The following CTNNA3 variants were observed in gnomAD, a reference collection of about 807,000 sequenced individuals.
CTNNA3 encodes catenin alpha 3, also known as catenin alpha-3.
A neutral mutation model predicts 95.7 loss-of-function variants in CTNNA3; 76 were observed. That is an observed-to-expected ratio of 0.79 (90% CI 0.66 to 0.96). The LOEUF (loss-of-function observed/expected upper bound fraction) is 0.96, where lower values mean the gene tolerates loss of function less well. CTNNA3 is among the 40% of genes least tolerant of loss of function. CTNNA3 has a pLI of 0.00. For synonymous variants in CTNNA3, 431 were observed against 374.4 expected (o/e 1.15, Z -1.74); for missense variants, 1,191 against 1,089.8 (o/e 1.09, Z -1.31).
At chr10:67,415,743 A>G (rs1184493220) in intron 5 of CTNNA3, among the ~76,000 whole-genome samples, 1 of 152,204 alleles carries the variant, frequency 6.6e-6, no homozygotes, top group East Asian at 1.9e-4. Context: ...CCAACATGAA[A>G]CTGTACTACA....
At chr10:66,411,703 T>C (rs2132597552) in intron 11 of CTNNA3, among the ~76,000 whole-genome samples, 1 of 152,220 alleles carries the variant, frequency 6.6e-6, no homozygotes, top group East Asian at 1.9e-4. Flanking sequence ...CAGACAGTGA[T>C]AAATACTGTA....
At chr10:66,033,836 C>T (rs1440116003) in intron 15 of CTNNA3, among the ~76,000 whole-genome samples, 1 of 152,200 alleles carries the variant, frequency 6.6e-6, no homozygotes, top group African/African-American at 2.4e-5. Context: ...TTAGGAATCA[C>T]AGACTTATAT....
chr10:67,742,033 C>T (rs1841342906), intron 1 of CTNNA3, among the ~76,000 whole-genome samples: 1 of 151,120 alleles, frequency 6.6e-6, no homozygotes, highest in Non-Finnish European at 1.5e-5. Context: ...TACAAAGAGA[C>T]TTAGATTGCC....
chr10:67,298,140 T>G (rs1013267757), intron 5 of CTNNA3, among the ~76,000 whole-genome samples: 2 of 152,162 alleles, frequency 1.3e-5, no homozygotes, highest in African/African-American at 4.8e-5. Context: ...TCCAGGAGTT[T>G]TTCAAGGATA....
chr10:67,195,531 C>T (rs1012269910), intron 6 of CTNNA3, among the ~76,000 whole-genome samples: 6 of 151,542 alleles, frequency 4.0e-5, no homozygotes, highest in Non-Finnish European at 7.4e-5. Context: ...GTAGGCTCCA[C>T]CTCAGTGGTC....
intron 1 of CTNNA3, among the ~76,000 whole-genome samples, chr10:67,667,335 TAC>T (rs1840349722): frequency 6.6e-6 from 1 of 152,188 alleles, no homozygotes; most frequent in African/African-American, 2.4e-5. Context: ...ATAAAAATTT[TAC>T]TATCTAATTA....
At chr10:67,503,056 G>A (rs1455586444) in intron 5 of CTNNA3, among the ~76,000 whole-genome samples, 2 of 152,284 alleles carry the variant, frequency 1.3e-5, no homozygotes, top group East Asian at 1.9e-4. Context: ...CTGCCCAAAC[G>A]GCCTCCCAGT....
intron 10 of CTNNA3, among the ~76,000 whole-genome samples, chr10:66,595,986 T>G (rs918686260): frequency 6.6e-6 from 1 of 151,922 alleles, no homozygotes; most frequent in African/African-American, 2.4e-5. Context: ...ATTTTTCAAG[T>G]GCAGCAAGAT....
At chr10:66,925,815 G>C (rs753782641) in intron 7 of CTNNA3, 1 of 338,786 alleles carries the variant, frequency 3.0e-6, no homozygotes, top group Admixed American at 4.1e-5. Flanking sequence ...TAAAGACGTT[G>C]CCAAATTGTA....
intron 16 of CTNNA3, among the ~76,000 whole-genome samples, chr10:65,968,000 T>C (rs1210694299): frequency 6.6e-6 from 1 of 151,882 alleles, no homozygotes; most frequent in Non-Finnish European, 1.5e-5. Flanking sequence ...ATCAAGAAAA[T>C]AGAGTTTCAA....
intron 7 of CTNNA3, among the ~76,000 whole-genome samples, chr10:66,935,350 T>G (rs1375491939): frequency 6.6e-6 from 1 of 152,104 alleles, no homozygotes; most frequent in Non-Finnish European, 1.5e-5. Flanking sequence ...CTAGGAAGTT[T>G]ACCATAGTGA....
intron 5 of CTNNA3, among the ~76,000 whole-genome samples, chr10:67,293,968 A>G (rs1357625056): frequency 6.6e-6 from 1 of 152,140 alleles, no homozygotes; most frequent in Non-Finnish European, 1.5e-5. Context: ...ATAGTGCTGC[A>G]ATAAACATAC....
intron 11 of CTNNA3, among the ~76,000 whole-genome samples, chr10:66,401,033 G>C (rs926914374): frequency 1.3e-5 from 2 of 152,142 alleles, no homozygotes; most frequent in Admixed American, 1.3e-4. Flanking sequence ...CAGATAAAGA[G>C]AGGCATTAAC....
intron 1 of CTNNA3, among the ~76,000 whole-genome samples, chr10:67,756,154 C>A (rs749464701): frequency 3.9e-5 from 6 of 151,914 alleles, no homozygotes; most frequent in Non-Finnish European, 7.4e-5. Flanking sequence ...TTACCAGAGG[C>A]CAGGTAGGGT....
intron 11 of CTNNA3, among the ~76,000 whole-genome samples, chr10:66,437,610 A>G (rs987168271): frequency 6.6e-6 from 1 of 151,954 alleles, no homozygotes; most frequent in African/African-American, 2.4e-5. Context: ...GGAATCTTTT[A>G]TCAAGGTTCT....
chr10:67,037,376 A>T (rs1373344608), intron 7 of CTNNA3, among the ~76,000 whole-genome samples: 2 of 128,886 alleles, frequency 1.6e-5, no homozygotes, highest in East Asian at 4.1e-4. Context: ...TCTAAAAAAA[A>T]AAAAGAAAAA....
intron 7 of CTNNA3, among the ~76,000 whole-genome samples, chr10:67,078,196 A>G (rs182099417): frequency 6.2e-4 from 94 of 152,296 alleles, no homozygotes; most frequent in Admixed American, 3.2e-3. Context: ...TCTTTGCTTG[A>G]TCTCAGTAAA....
intron 9 of CTNNA3, among the ~76,000 whole-genome samples, chr10:66,734,787 C>T (rs766223090): frequency 3.1e-4 from 46 of 150,476 alleles, no homozygotes; most frequent in Non-Finnish European, 5.9e-4. Flanking sequence ...CTCTTGAACT[C>T]GAGAGGTGGA....
chr10:66,642,010 T>A (rs918231744), intron 9 of CTNNA3, among the ~76,000 whole-genome samples: 1 of 152,090 alleles, frequency 6.6e-6, no homozygotes, highest in Non-Finnish European at 1.5e-5. Context: ...GTTGCCTTCT[T>A]CTGTGCAAAA....
Sources: allele counts gnomAD v4.1 joint callset (sites outside exome capture counted in the v4.1 genomes callset), GRCh38; gene constraint gnomAD v4.1.1; transcripts MANE v1.5; gene names NCBI Gene and HGNC (gene_info 2026-07-23, HGNC 2026-07-21).